GUSB: variants seen among roughly 807,000 people sequenced by gnomAD.
GUSB encodes the protein glucuronidase beta, also known as beta-glucuronidase.
GUSB carries 51 observed loss-of-function variants against 74.6 expected under a neutral mutation model. That is an observed-to-expected ratio of 0.68 (90% CI 0.55 to 0.86). GUSB has a LOEUF of 0.86. GUSB is among the 40% of genes least tolerant of loss of function. The pLI is 0.00. For synonymous variants in GUSB, 360 were observed against 348.3 expected, an observed-to-expected ratio of 1.03 and a Z score of -0.37; for missense variants, 736 against 853.7, an observed-to-expected ratio of 0.86 and a Z score of 1.72.
At chr7:65,981,891 G>C in intron 1 of GUSB, 83 bp downstream of exon 1, 1 of 1,237,812 alleles carries the variant, frequency 8.1e-7, no homozygotes, top group African/African-American at 1.5e-5. Context: ...ACGCCCAGGG[G>C]AAGAAGTCTG....
intron 9 of GUSB, among the ~76,000 whole-genome samples, chr7:65,968,325 G>A (rs1790975744): frequency 6.6e-6 from 1 of 151,610 alleles, no homozygotes; most frequent in South Asian, 2.1e-4. Flanking sequence ...AAATTACCCT[G>A]CCATAGGCAA....
At chr7:65,978,746 T>C (rs1791769669) in intron 4 of GUSB, among the ~76,000 whole-genome samples, 1 of 149,232 alleles carries the variant, frequency 6.7e-6, no homozygotes, top group African/African-American at 2.5e-5. Context: ...CACTCCAGCC[T>C]GGCGACAGAG....
intron 9 of GUSB, 87 bp downstream of exon 9, chr7:65,970,195 G>C: frequency 1.2e-6 from 1 of 814,400 alleles, no homozygotes; most frequent in Admixed American, 1.7e-5. Context: ...GGCAGCGCAT[G>C]GTTCTTCCTG....
At chr7:65,975,591 G>T in intron 5 of GUSB, 1 of 221,146 alleles carries the variant, frequency 4.5e-6, no homozygotes, top group Non-Finnish European at 9.1e-6. Context: ...CACCATGTTG[G>T]CCAGGCTGGT....
chr7:65,962,071 C>G lies in GUSB; in HGVS notation c.1790-1008G>C, dbSNP rs34994057. ...TAAGGTTTACATGCTGGGTACCCAGCTGTCTGGTAACTGGGTAGGCAGAGG... is the reference window on the plus strand; with the variant it reads ...TAAGGTTTACATGCTGGGTACCCAGGTGTCTGGTAACTGGGTAGGCAGAGG... On this transcript the variant is annotated intron_variant, in intron 11 of 11. Transcript: ENST00000304895. 9.1e-3 allele frequency among the ~76,000 whole-genome samples: 1,386 copies of G among 152,156 alleles called. 9 individuals are homozygous for G. The highest frequency in any genetic ancestry group is 0.016 in the Non-Finnish European group (1,104 of 67,998).
At chr7:65,969,065 C>A (rs1401638811) in intron 9 of GUSB, among the ~76,000 whole-genome samples, 1 of 152,138 alleles carries the variant, frequency 6.6e-6, no homozygotes, top group Admixed American at 6.6e-5. Flanking sequence ...GTTTCTAATG[C>A]GTCCTGAACA....
At chr7:65,981,290 C>T (rs534801652) in intron 1 of GUSB, among the ~76,000 whole-genome samples, 16 of 143,626 alleles carry the variant, frequency 1.1e-4, no homozygotes, top group South Asian at 6.6e-4. Context: ...AGTGCAGTGG[C>T]ATCCTGATCT....
chr7:65,971,245 TG>T (rs1378513132), intron 8 of GUSB, among the ~76,000 whole-genome samples: 1 of 152,060 alleles, frequency 6.6e-6, no homozygotes, highest in African/African-American at 2.4e-5. Context: ...AGGTGCGAGG[TG>T]CTCAGCAGTG....
intron 10 of GUSB, among the ~76,000 whole-genome samples, chr7:65,967,010 G>A (rs1358196240): frequency 1.3e-5 from 2 of 152,206 alleles, no homozygotes; most frequent in Non-Finnish European, 2.9e-5. Context: ...AGCAAGAGCA[G>A]GAGAGCAAGC....
At chr7:65,968,059 CTGGG>C in intron 9 of GUSB, 152 bp from the exon 10 acceptor site, 1 of 704,514 alleles carries the variant, frequency 1.4e-6, no homozygotes. Flanking sequence ...TAAGACCAGC[CTGGG>C]CAACACAGCA....
At chr7:65,966,287 C>T (rs182002694) in intron 10 of GUSB, among the ~76,000 whole-genome samples, 45 of 152,204 alleles carry the variant, frequency 3.0e-4, no homozygotes, top group African/African-American at 1.0e-3. Flanking sequence ...TCTGTAAGCA[C>T]GATAAATTTA....
At chr7:65,968,937 G>A (rs954402491) in intron 9 of GUSB, among the ~76,000 whole-genome samples, 1 of 152,182 alleles carries the variant, frequency 6.6e-6, no homozygotes, top group Non-Finnish European at 1.5e-5. Context: ...GTGGACTGCA[G>A]AGGGCCAGAA....
chr7:65,979,630 G>A, intron 3 of GUSB, 89 bp from the exon 4 acceptor site: 1 of 1,594,832 alleles, frequency 6.3e-7, no homozygotes. Flanking sequence ...CCAGATCCAA[G>A]GCCTCCACTC....
In GUSB at chr7:65,976,125, T is replaced by C; in HGVS notation, c.802A>G (p.Lys268Glu). The change falls in exon 5 of 12, where the codon AAA becomes GAA. Residue 268 changes from lysine (K) to glutamate (E), a missense_variant. Lys to Glu is a moderately conservative substitution (Grantham distance 56, BLOSUM62 1). Coordinates refer to ENST00000304895, the MANE Select transcript of GUSB (RefSeq NM_000181.4). ...LEVRLLDAENKVVANGTGTQG... is the reference protein window; with the variant it reads ...LEVRLLDAENEVVANGTGTQG... ...GTCCCAGTCCCATTCGCCACGACTT[T>C]GTTTTCTGCATCCAAAAGACGCACT... is the stretch of plus-strand genomic sequence containing the variant. 1.2e-6 allele frequency: 2 copies of C among 1,613,898 alleles called. No homozygotes were observed. The highest frequency in any genetic ancestry group is 1.7e-6 in the Non-Finnish European group (2 of 1,179,934).
In GUSB at chr7:65,982,198, C is replaced by A. The variant is rs781149654; in HGVS notation, c.-15G>T. The A allele has an allele frequency of 1.3e-5, 20 of 1,498,006 alleles. No individual in the cohort carries two copies. Among genetic ancestry groups the A allele is most frequent in the Non-Finnish European group, 1.7e-5 (19 of 1,123,674 alleles). The allele number at this position is 1,498,006 out of a possible 1,614,324, so 92.8% of individuals were successfully genotyped here. On this transcript the variant is annotated 5_prime_UTR_variant, in exon 1 of 12. Transcript: ENST00000304895. ...CCCCGGGCCATGCTTCCCGGTCCCC[C>A]GCTCGGCCACCGTCTGCGGCGCTAA... is the stretch of plus-strand genomic sequence containing the variant.
At chr7:65,966,085 G>A (rs1030359187) in intron 10 of GUSB, among the ~76,000 whole-genome samples, 3 of 151,916 alleles carry the variant, frequency 2.0e-5, no homozygotes, top group Non-Finnish European at 4.4e-5. Context: ...CATGAGAATC[G>A]CTTGAACCAG....
intron 4 of GUSB, 86 bp downstream of exon 4, chr7:65,979,313 A>T: frequency 7.7e-7 from 1 of 1,294,820 alleles, no homozygotes; most frequent in Non-Finnish European, 1.1e-6. Context: ...TGCTGGGAGC[A>T]CCTTTTTCCT....
At chr7:65,967,419 A>AC (rs1017678838) in intron 10 of GUSB, among the ~76,000 whole-genome samples, 1 of 152,126 alleles carries the variant, frequency 6.6e-6, no homozygotes, top group African/African-American at 2.4e-5. Flanking sequence ...GCACCACCAC[A>AC]CTCCAGCCTG....
chr7:65,980,192 C>G (rs564491033), intron 2 of GUSB, 32 bp downstream of exon 2: 8 of 586,776 alleles, frequency 1.4e-5, no homozygotes, highest in Non-Finnish European at 2.2e-5. Context: ...CGTGCCCCCC[C>G]ACCCGCCCTG....
Sources: gnomAD v4.1 joint callset for allele counts (sites outside exome capture counted in the v4.1 genomes callset) on GRCh38, gnomAD v4.1.1 for gene constraint, MANE v1.5 for transcripts, NCBI Gene and HGNC (gene_info 2026-07-23, HGNC 2026-07-21) for gene names.